The following COX16 variants were observed in gnomAD, a reference collection of about 807,000 sequenced individuals.
The protein encoded by COX16 is cytochrome c oxidase assembly factor COX16, also known as cytochrome c oxidase assembly protein COX16 homolog, mitochondrial.
Under a neutral mutation model 15.4 loss-of-function variants are expected in COX16, and 12 were observed. The ratio of observed to expected loss-of-function variants is 0.78; its 90% CI spans 0.50 to 1.26. COX16 has a LOEUF of 1.26. Among genes scored for constraint, COX16 ranks in the 50% most tolerant of loss-of-function variants. COX16 has a pLI of 0.00. For synonymous variants in COX16, 46 were observed against 41.1 expected (o/e 1.12, Z -0.46); for missense variants, 124 against 127.6 (o/e 0.97, Z 0.14).
chr14:70,331,935 G>A (rs1000187847), intron 2 of COX16, among the ~76,000 whole-genome samples: 1 of 152,190 alleles, frequency 6.6e-6, no homozygotes, highest in African/African-American at 2.4e-5. Context: ...AATTCAGGTA[G>A]GAGGTTGTCA....
chr14:70,345,032 C>T (rs1298817779), intron 1 of COX16, among the ~76,000 whole-genome samples: 1 of 152,180 alleles, frequency 6.6e-6, no homozygotes, highest in African/African-American at 2.4e-5. Flanking sequence ...GATACAAGAA[C>T]CGTACATCTG....
rs1886057310 is a variant in COX16 at position 70,325,996 on chromosome 14, A to G, written c.*337T>C. On this transcript the variant is annotated 3_prime_UTR_variant, in exon 4 of 4. Transcript: ENST00000389912. ...AGAGAATCAGAAATCAGAATGAAAT[A>G]TCAAAATGATGCCCTAATGGCTATT... 6.4e-6 allele frequency: 1 copy of G among 155,384 alleles called. No individual in the cohort carries two copies. Among genetic ancestry groups the G allele is most frequent in the Admixed American group, 6.5e-5 (1 of 15,408 alleles). 9.6% of individuals were successfully genotyped at this position (155,384 alleles called of 1,614,324 possible).
At chr14:70,330,660 T>A (rs1213912828) in intron 2 of COX16, among the ~76,000 whole-genome samples, 1 of 152,202 alleles carries the variant, frequency 6.6e-6, no homozygotes. Flanking sequence ...AATTTGGAAA[T>A]CACAATGTAA....
rs888232139 is a variant in COX16, at chr14:70,325,895, T to C, written c.*438A>G. ...ATCATTTTTCTTTCCCTAATAGATA[T>C]GAGAGAAAATTACTGCTTGATTTTA... On this transcript the variant is annotated 3_prime_UTR_variant, in exon 4 of 4. Transcript: ENST00000389912. The C allele has an allele frequency of 6.6e-6, 1 of 152,386 alleles. No individual in the cohort carries two copies. The highest frequency in any genetic ancestry group is 2.4e-5 in the African/African-American group (1 of 41,462). 9.4% of individuals were successfully genotyped at this position (152,386 alleles called of 1,614,324 possible). A position where few individuals can be genotyped will look rare whatever the true frequency, so the allele number is the denominator to read the frequency against.
At chr14:70,338,388 C>G (rs933501511) in intron 2 of COX16, among the ~76,000 whole-genome samples, 1 of 152,178 alleles carries the variant, frequency 6.6e-6, no homozygotes, top group Non-Finnish European at 1.5e-5. Flanking sequence ...CTGGGATTAA[C>G]ACATGTGAAC....
chr14:70,350,220 A>G (rs550574676), intron 1 of COX16, among the ~76,000 whole-genome samples: 41 of 152,322 alleles, frequency 2.7e-4, no homozygotes, highest in Middle Eastern at 6.8e-3. Context: ...TAGCAGAAGC[A>G]GGAAGAGAGC....
intron 2 of COX16, among the ~76,000 whole-genome samples, chr14:70,333,028 AGCTCAGGTGGACACAG>A (rs1201318180): frequency 6.6e-6 from 1 of 152,164 alleles, no homozygotes; most frequent in African/African-American, 2.4e-5. Context: ...GGGCTGAGGC[AGCTCAGGTGGACACAG>A]GCTCAGGGAA....
chr14:70,336,104 A>G (rs1178435164), intron 2 of COX16, among the ~76,000 whole-genome samples: 1 of 152,058 alleles, frequency 6.6e-6, no homozygotes, highest in Non-Finnish European at 1.5e-5. Context: ...AAAATACAAA[A>G]AATTAGCCGG....
chr14:70,353,830 T>A (rs992102091), intron 1 of COX16, among the ~76,000 whole-genome samples: 10 of 152,174 alleles, frequency 6.6e-5, no homozygotes, highest in East Asian at 1.9e-4. Flanking sequence ...TCCTTTTTTT[T>A]ATAAATATAT....
At chr14:70,350,237 GA>G (rs1404471137) in intron 1 of COX16, among the ~76,000 whole-genome samples, 1 of 152,160 alleles carries the variant, frequency 6.6e-6, no homozygotes, top group Admixed American at 6.5e-5. Flanking sequence ...GAGCCGGCCG[GA>G]AGACACACCC....
chr14:70,333,271 T>A (rs1278669512), intron 2 of COX16, among the ~76,000 whole-genome samples: 3 of 152,232 alleles, frequency 2.0e-5, no homozygotes, highest in African/African-American at 7.2e-5. Context: ...TGGAGATGTG[T>A]AATCTTTCAG....
Position 70,353,485 on chromosome 14 carries a change from CACAT to C in COX16, c.69+6030_69+6033del, listed in dbSNP as rs1232297723. ...AAATATATATATATACATACACACA[CACAT>C]AGAGATAGATAGATAGATAGATATA... On this transcript the variant is annotated intron_variant, in intron 1 of 3. Transcript: ENST00000389912. Among the ~76,000 whole-genome samples, 5 of 137,368 alleles carry C rather than the reference CACAT, an allele frequency of 3.6e-5. No homozygotes were observed. The East Asian group carries it at 9.9e-4, about 27-fold the overall frequency. The allele number at this position is 137,368 out of a possible 152,430, so 90.1% of individuals were successfully genotyped here.
chr14:70,326,727 A>T (rs925226109), intron 3 of COX16, among the ~76,000 whole-genome samples: 1 of 152,208 alleles, frequency 6.6e-6, no homozygotes, highest in African/African-American at 2.4e-5. Context: ...TGAGAGGACA[A>T]GGAAAAGGCT....
chr14:70,331,595 C>G (rs562028378), intron 2 of COX16, among the ~76,000 whole-genome samples: 1 of 152,298 alleles, frequency 6.6e-6, no homozygotes, highest in East Asian at 1.9e-4. Context: ...ATTCGTAACA[C>G]ACCCACCAGA....
rs114792365 is a variant in COX16 at position 70,346,179 on chromosome 14, G to A, written c.70-3450C>T. Among the ~76,000 whole-genome samples the A allele has an allele frequency of 8.9e-3, 1,357 of 152,144 alleles. 16 individuals are homozygous for A. Among genetic ancestry groups the A allele is most frequent in the African/African-American group, 0.031 (1,269 of 41,468 alleles). On this transcript the variant is annotated intron_variant, in intron 1 of 3. Coordinates refer to ENST00000389912, the MANE Select transcript of COX16 (RefSeq NM_016468.7). ...TCGGTTCATCTCCCAATCCACCCCC[G>A]ATATTCGGTGCAAGCTTCAGAAGCT...
intron 1 of COX16, among the ~76,000 whole-genome samples, chr14:70,344,490 C>T (rs554119415): frequency 2.6e-4 from 39 of 152,334 alleles, no homozygotes; most frequent in African/African-American, 9.1e-4. Context: ...TATAATTTTG[C>T]AAAGGCGGTT....
At chr14:70,346,544 C>T (rs1459947370) in intron 1 of COX16, among the ~76,000 whole-genome samples, 1 of 152,218 alleles carries the variant, frequency 6.6e-6, no homozygotes, top group South Asian at 2.1e-4. Context: ...CTTCCTAAGC[C>T]GGCCAAAACC....
Position 70,359,579 on chromosome 14 carries a change from T to C in COX16, c.9A>G (p.Ala3=), listed in dbSNP as rs1887238893. The C allele has an allele frequency of 3.1e-6, 5 of 1,613,876 alleles. No individual in the cohort carries two copies. In the South Asian group the frequency reaches 3.3e-5, roughly 11 times the overall value. Residue 3 remains alanine, a synonymous_variant, in exon 1 of 4, where the codon GCA becomes GCG. Coordinates refer to ENST00000389912, the MANE Select transcript of COX16 (RefSeq NM_016468.7). ...TGCGAAAAGCACGCATCACCGCGGGTGCAAACATGAGTGAACTCTTCCATC... is the reference window on the plus strand; with the variant it reads ...TGCGAAAAGCACGCATCACCGCGGGCGCAAACATGAGTGAACTCTTCCATC... MF[A]PAVMRAFRKN...
chr14:70,355,790 C>CA (rs1887106060), intron 1 of COX16, among the ~76,000 whole-genome samples: 1 of 152,168 alleles, frequency 6.6e-6, no homozygotes, highest in South Asian at 2.1e-4. Flanking sequence ...ATCTGACCCC[C>CA]AATGTTGGAG....
Sources: gnomAD v4.1 joint callset for allele counts (sites outside exome capture counted in the v4.1 genomes callset) on GRCh38, gnomAD v4.1.1 for gene constraint, MANE v1.5 for transcripts, NCBI Gene and HGNC (gene_info 2026-07-23, HGNC 2026-07-21) for gene names.